CADM2: variants seen among roughly 807,000 people sequenced by gnomAD.
CADM2 encodes the protein immunoglobulin superfamily member 4D.
A neutral mutation model predicts 49.8 loss-of-function variants in CADM2; 12 were observed. The ratio of observed to expected loss-of-function variants is 0.24; its 90% CI spans 0.15 to 0.39. The LOEUF (loss-of-function observed/expected upper bound fraction) is 0.39. CADM2 is among the 10% of genes least tolerant of loss of function. The pLI is 1.00. For missense variants in CADM2, 378 were observed against 492.3 expected (o/e 0.77, Z 2.20); for synonymous variants, 214 against 175.4 (o/e 1.22, Z -1.74).
In CADM2 at chr3:85,282,897, T is replaced by C. The variant is rs546484040; in HGVS notation, c.61+323229T>C. On this transcript the variant is annotated intron_variant, in intron 1 of 9. Transcript: ENST00000383699. ...CTTAAAAATACCTAGAGGAGAAGATTTGAAATGTTTCCAGCACAGAGAAAT... is the reference window on the plus strand; with the variant it reads ...CTTAAAAATACCTAGAGGAGAAGATCTGAAATGTTTCCAGCACAGAGAAAT... Among the ~76,000 whole-genome samples the C allele has an allele frequency of 2.6e-5, 4 of 152,206 alleles. No individual in the cohort carries two copies. The East Asian group carries it at 7.8e-4, about 30-fold the overall frequency.
intron 1 of CADM2, among the ~76,000 whole-genome samples, chr3:85,180,286 A>G (rs2040897588): frequency 6.6e-6 from 1 of 152,014 alleles, no homozygotes; most frequent in Admixed American, 6.6e-5. Context: ...AGGTGGGTGG[A>G]TCCCTTGAGG....
chr3:85,062,100 A>T (rs1397424621), intron 1 of CADM2, among the ~76,000 whole-genome samples: 2 of 150,706 alleles, frequency 1.3e-5, no homozygotes, highest in East Asian at 3.9e-4. Context: ...ACACACACAC[A>T]CACAAACACA....
chr3:85,035,677 C>G (rs772227765), intron 1 of CADM2, among the ~76,000 whole-genome samples: 18 of 152,034 alleles, frequency 1.2e-4, no homozygotes, highest in Non-Finnish European at 2.4e-4. Flanking sequence ...ATTGAAGAGA[C>G]TGTTCTTTCC....
At chr3:85,570,795 G>A (rs2062452859) in intron 1 of CADM2, among the ~76,000 whole-genome samples, 1 of 152,118 alleles carries the variant, frequency 6.6e-6, no homozygotes, top group African/African-American at 2.4e-5. Flanking sequence ...TGTTTTGGGA[G>A]AGTAAATGAT....
intron 1 of CADM2, among the ~76,000 whole-genome samples, chr3:85,490,520 G>A (rs890788879): frequency 6.6e-6 from 1 of 152,092 alleles, no homozygotes; most frequent in Non-Finnish European, 1.5e-5. Flanking sequence ...TGAGCTTGAG[G>A]CTGCAGTAAG....
intron 1 of CADM2, among the ~76,000 whole-genome samples, chr3:85,397,282 A>G (rs1456371139): frequency 3.3e-5 from 5 of 152,160 alleles, no homozygotes; most frequent in African/African-American, 1.2e-4. Context: ...GGATGAGGAC[A>G]AGTTGAAATC....
chr3:85,310,372 C>T (rs1335827366), intron 1 of CADM2, among the ~76,000 whole-genome samples: 1 of 152,098 alleles, frequency 6.6e-6, no homozygotes, highest in Non-Finnish European at 1.5e-5. Context: ...AAGTGGAAGA[C>T]CTTTGACTGT....
intron 1 of CADM2, among the ~76,000 whole-genome samples, chr3:85,116,855 G>T (rs1362718237): frequency 6.6e-6 from 1 of 152,002 alleles, no homozygotes; most frequent in African/African-American, 2.4e-5. Context: ...ACATTTTTCT[G>T]GTGTATGGTG....
chr3:85,018,789 C>A (rs1004128703), intron 1 of CADM2, among the ~76,000 whole-genome samples: 1 of 152,070 alleles, frequency 6.6e-6, no homozygotes, highest in Non-Finnish European at 1.5e-5. Context: ...AAAATAAATT[C>A]TGTCATTTAA....
intron 8 of CADM2, among the ~76,000 whole-genome samples, chr3:86,018,057 G>A (rs1298081265): frequency 8.5e-6 from 1 of 117,548 alleles, no homozygotes; most frequent in Non-Finnish European, 1.7e-5. Context: ...TCCCCAGAGT[G>A]TGATATTCCC....
At chr3:85,723,897 A>G (rs1411815613) in intron 1 of CADM2, among the ~76,000 whole-genome samples, 1 of 152,016 alleles carries the variant, frequency 6.6e-6, no homozygotes, top group East Asian at 1.9e-4. Context: ...CAAGTGATGA[A>G]TTTGAGTTTG....
chr3:86,012,637 G>C, intron 8 of CADM2: 1 of 1,556,650 alleles, frequency 6.4e-7, no homozygotes, highest in Non-Finnish European at 8.8e-7. Context: ...GGTTCCCGCG[G>C]GACCCGGCCA....
At chr3:85,159,056 T>G (rs990913020) in intron 1 of CADM2, among the ~76,000 whole-genome samples, 1 of 152,158 alleles carries the variant, frequency 6.6e-6, no homozygotes, top group African/African-American at 2.4e-5. Flanking sequence ...TATAAGCATA[T>G]CTGTGTACAT....
rs920145954 is a variant in CADM2, at chr3:85,395,832, G to A, written c.62-330690G>A. The stretch of plus-strand genomic sequence containing the variant: ...TATGTCTAATAGTTATTCAAGATTG[G>A]ATGTTGTATGCAACTTTAAAAATCA... On this transcript the variant is annotated intron_variant, in intron 1 of 9. Transcript: ENST00000383699. 7.9e-5 allele frequency among the ~76,000 whole-genome samples: 12 copies of A among 151,516 alleles called. No individual in the cohort carries two copies. The East Asian group carries it at 2.3e-3, about 29-fold the overall frequency.
At chr3:85,494,991 A>T (rs963643215) in intron 1 of CADM2, among the ~76,000 whole-genome samples, 41 of 152,194 alleles carry the variant, frequency 2.7e-4, no homozygotes, top group South Asian at 1.0e-3. Flanking sequence ...AATGTGTGTC[A>T]ATTACCAGTC....
intron 1 of CADM2, among the ~76,000 whole-genome samples, chr3:85,483,217 T>A (rs1400279124): frequency 6.6e-6 from 1 of 151,576 alleles, no homozygotes; most frequent in Non-Finnish European, 1.5e-5. Context: ...AATTTGTACA[T>A]CATCAGAATA....
chr3:85,340,496 A>G (rs1045420117), intron 1 of CADM2, among the ~76,000 whole-genome samples: 32 of 151,716 alleles, frequency 2.1e-4, no homozygotes, highest in African/African-American at 7.7e-4. Context: ...TGCATTATAA[A>G]TACATATGTA....
intron 1 of CADM2, among the ~76,000 whole-genome samples, chr3:85,113,144 C>G (rs754420615): frequency 6.6e-6 from 1 of 152,018 alleles, no homozygotes. Flanking sequence ...CTAGATAAAG[C>G]TATGAGTTTG....
At chr3:85,242,057 A>G (rs967150379) in intron 1 of CADM2, among the ~76,000 whole-genome samples, 1 of 146,580 alleles carries the variant, frequency 6.8e-6, no homozygotes, top group Non-Finnish European at 1.5e-5. Flanking sequence ...CAGAGGTTTG[A>G]TTCTGTTGTT....
Sources: allele counts gnomAD v4.1 joint callset (sites outside exome capture counted in the v4.1 genomes callset), GRCh38; gene constraint gnomAD v4.1.1; transcripts MANE v1.5; gene names NCBI Gene and HGNC (gene_info 2026-07-23, HGNC 2026-07-21).